The following ATP10B variants were observed in gnomAD, a reference collection of about 807,000 sequenced individuals.
ATP10B encodes the protein ATPase phospholipid transporting 10B (putative), also known as phospholipid-transporting ATPase VB.
In ATP10B, 122 loss-of-function variants were observed where a neutral mutation model predicts 141.2. The ratio of observed to expected loss-of-function variants is 0.86; its 90% CI spans 0.75 to 1.00. ATP10B has a LOEUF of 1.00. Ranked by LOEUF, ATP10B falls within the 50% of genes least tolerant of loss-of-function variation. ATP10B has a pLI of 0.00. For synonymous variants in ATP10B, 685 were observed against 692.0 expected (o/e 0.99, Z 0.16); for missense variants, 1,876 against 1,825.3 (o/e 1.03, Z -0.51).
At chr5:160,722,440 A>T (rs1561789100) in intron 2 of ATP10B, among the ~76,000 whole-genome samples, 1 of 152,176 alleles carries the variant, frequency 6.6e-6, no homozygotes, top group Non-Finnish European at 1.5e-5. Flanking sequence ...GCACCACGTG[A>T]ACAGATCATC....
chr5:160,643,038 G>A (rs1007411895), intron 9 of ATP10B, among the ~76,000 whole-genome samples: 1 of 152,014 alleles, frequency 6.6e-6, no homozygotes, highest in African/African-American at 2.4e-5. Flanking sequence ...GATTGCTGGA[G>A]AGTTCATTTT....
chr5:160,595,038 C>T (rs929219948), intron 22 of ATP10B, among the ~76,000 whole-genome samples: 1 of 150,914 alleles, frequency 6.6e-6, no homozygotes, highest in East Asian at 1.9e-4. Flanking sequence ...CTGCACCAAG[C>T]AGACCTAATA....
intron 24 of ATP10B, among the ~76,000 whole-genome samples, chr5:160,586,568 G>A (rs190033398): frequency 1.3e-5 from 2 of 152,170 alleles, no homozygotes; most frequent in Admixed American, 1.3e-4. Context: ...CTTCCACAAT[G>A]GTTGAACTAA....
At chr5:160,917,611 A>T in the ATP10B span, among the ~76,000 whole-genome samples, 20 of 152,274 alleles carry the variant, frequency 1.3e-4, no homozygotes, top group Non-Finnish European at 1.9e-4. Flanking sequence ...TACAATCCTC[A>T]AGTCAAATCA....
chr5:160,751,477 C>T (rs866427010), intron 2 of ATP10B, among the ~76,000 whole-genome samples: 2 of 152,116 alleles, frequency 1.3e-5, no homozygotes, highest in African/African-American at 4.8e-5. Context: ...AAACTGATAG[C>T]GGGCTAGTCC....
chr5:160,781,474 C>T (rs1414436494), intron 2 of ATP10B, among the ~76,000 whole-genome samples: 1 of 151,972 alleles, frequency 6.6e-6, no homozygotes, highest in Non-Finnish European at 1.5e-5. Context: ...TCCAGACAGA[C>T]ATTAAGTGAG....
the ATP10B span, among the ~76,000 whole-genome samples, chr5:160,927,830 A>C: frequency 6.6e-6 from 1 of 152,264 alleles, no homozygotes; most frequent in Non-Finnish European, 1.5e-5. Flanking sequence ...GCATTATGAA[A>C]ATAACACAGT....
chr5:160,654,396 A>G (rs1296312441), intron 7 of ATP10B, among the ~76,000 whole-genome samples: 1 of 152,152 alleles, frequency 6.6e-6, no homozygotes, highest in African/African-American at 2.4e-5. Flanking sequence ...TTCTTGACCC[A>G]GCCTTTTATC....
At chr5:160,719,155 CTT>C (rs1171353783) in intron 2 of ATP10B, among the ~76,000 whole-genome samples, 1 of 152,168 alleles carries the variant, frequency 6.6e-6, no homozygotes, top group African/African-American at 2.4e-5. Flanking sequence ...AATCCCAGCA[CTT>C]TGTGAGGCTG....
chr5:160,625,724 C>T (rs1275627162), intron 13 of ATP10B, among the ~76,000 whole-genome samples: 2 of 152,190 alleles, frequency 1.3e-5, no homozygotes, highest in Non-Finnish European at 2.9e-5. Flanking sequence ...TTTTCATTTA[C>T]CCACTAGTCT....
At chr5:160,889,975 C>T in the ATP10B span, among the ~76,000 whole-genome samples, 1 of 152,198 alleles carries the variant, frequency 6.6e-6, no homozygotes, top group African/African-American at 2.4e-5. Context: ...CTCCTCCCTT[C>T]CCTAGTGAAT....
At chr5:160,625,849 C>A (rs574606146) in intron 13 of ATP10B, among the ~76,000 whole-genome samples, 1 of 152,328 alleles carries the variant, frequency 6.6e-6, no homozygotes, top group Non-Finnish European at 1.5e-5. Flanking sequence ...AATAGCTCAC[C>A]ACTGATTAAC....
chr5:160,860,949 C>G, the ATP10B span, among the ~76,000 whole-genome samples: 1 of 151,900 alleles, frequency 6.6e-6, no homozygotes, highest in Non-Finnish European at 1.5e-5. Flanking sequence ...TCCCCATTCC[C>G]CACCCAAACT....
At chr5:160,694,241 C>T (rs1278639217) in intron 3 of ATP10B, among the ~76,000 whole-genome samples, 2 of 152,168 alleles carry the variant, frequency 1.3e-5, no homozygotes, top group Non-Finnish European at 2.9e-5. Flanking sequence ...ATTGCATAAT[C>T]CCATTATCTG....
intron 2 of ATP10B, among the ~76,000 whole-genome samples, chr5:160,755,416 G>T (rs1232494683): frequency 6.6e-6 from 1 of 152,046 alleles, no homozygotes; most frequent in African/African-American, 2.4e-5. Context: ...ATCTCAGAGT[G>T]CATTCACACA....
At chr5:160,903,791 A>G in the ATP10B span, among the ~76,000 whole-genome samples, 87,491 of 152,076 alleles carry the variant, frequency 0.58, 25,469 homozygotes, top group South Asian at 0.65. Context: ...TTTTCCTTCA[A>G]TAAAGAGGAG....
chr5:160,716,178 CAA>C (rs1354535893), intron 3 of ATP10B, among the ~76,000 whole-genome samples: 4 of 152,036 alleles, frequency 2.6e-5, no homozygotes, highest in African/African-American at 9.7e-5. Flanking sequence ...AAATGTCCAT[CAA>C]AGAGTAGAAT....
In ATP10B at chr5:160,670,631, A is replaced by C. The variant is rs778668532; in HGVS notation, c.507T>G (p.Asp169Glu). The C allele has an allele frequency of 6.2e-7, 1 of 1,613,676 alleles. No homozygotes were observed. Among genetic ancestry groups the C allele is most frequent in the Non-Finnish European group, 8.5e-7 (1 of 1,179,838 alleles). ...EQTYVQKCWK[D>E]VRVGDFIQMK... Reference sequence around the variant, plus strand: ...TTTGGATGAAGTCTCCCACGCGCACATCCTTCCAGCACTTCTGCACATAGG... The same window carrying C: ...TTTGGATGAAGTCTCCCACGCGCACCTCCTTCCAGCACTTCTGCACATAGG... The change falls in exon 7 of 26, where the codon GAT becomes GAG. Residue 169 changes from aspartate to glutamate, a missense_variant. Asp to Glu is a conservative substitution (Grantham distance 45). Coordinates refer to ENST00000327245, the MANE Select transcript of ATP10B (RefSeq NM_025153.3).
chr5:160,599,020 T>C, intron 21 of ATP10B, 50 bp from the exon 22 acceptor site: 1 of 1,581,460 alleles, frequency 6.3e-7, no homozygotes. Flanking sequence ...GTGCAGCCGG[T>C]CACCAGCTCC....
Sources: gnomAD v4.1 joint callset for allele counts (sites outside exome capture counted in the v4.1 genomes callset) on GRCh38, gnomAD v4.1.1 for gene constraint, MANE v1.5 for transcripts, NCBI Gene and HGNC (gene_info 2026-07-23, HGNC 2026-07-21) for gene names.